Variants in CDH13 observed in about 807,000 individuals in gnomAD.
CDH13 encodes the protein cadherin 13.
CDH13 carries 24 observed loss-of-function variants against 63.8 expected under a neutral mutation model. The ratio of observed to expected loss-of-function variants is 0.38; its 90% confidence interval spans 0.27 to 0.53. CDH13 has a LOEUF of 0.53. CDH13 is among the 20% of genes least tolerant of loss of function. The probability of loss-of-function intolerance (pLI) is 0.85; values close to 1 mark genes in which losing one functional copy is unlikely to be tolerated. For missense variants in CDH13, 1,049 were observed against 903.1 expected (o/e 1.16, Z -2.07); for synonymous variants, 503 against 355.3 (o/e 1.42, Z -4.67).
intron 2 of CDH13, among the ~76,000 whole-genome samples, chr16:82,994,317 T>C (rs180849335): frequency 6.3e-4 from 96 of 152,278 alleles, no homozygotes; most frequent in African/African-American, 2.2e-3. Context: ...AGTACAACCC[T>C]GGCCCTTGCA....
chr16:82,806,111 G>T (rs2037125018), intron 1 of CDH13, among the ~76,000 whole-genome samples: 1 of 152,144 alleles, frequency 6.6e-6, no homozygotes, highest in Admixed American at 6.5e-5. Flanking sequence ...AAGGGTGATT[G>T]AGTTTGCCAG....
At position 82,633,549 on chromosome 16, in the gene CDH13, T is replaced by A. The variant is rs185459152; in HGVS notation, c.45+6412T>A. Among the ~76,000 whole-genome samples, 457 of 152,258 alleles carry A rather than the reference T, an allele frequency of 3.0e-3. 1 individual carries two copies. The highest frequency in any genetic ancestry group is 5.2e-3 in the South Asian group (25 of 4,806). On this transcript the variant is annotated intron_variant, in intron 1 of 13. Transcript: ENST00000567109. ...GCCCGCCACCAGGCCTGGCTAACTT[T>A]TTTATTTTTAGTAGAGACGGGGTTT...
At position 83,415,394 on chromosome 16, in the gene CDH13, T is replaced by C. The variant is rs142892141; in HGVS notation, c.781+70388T>C. Among the ~76,000 whole-genome samples, 1,500 of 151,966 alleles carry C rather than the reference T, an allele frequency of 9.9e-3. 26 individuals carry two copies. The highest frequency in any genetic ancestry group is 0.034 in the African/African-American group (1,421 of 41,420). On this transcript the variant is annotated intron_variant, in intron 6 of 13. Coordinates refer to ENST00000567109, the MANE Select transcript of CDH13 (RefSeq NM_001257.5). ...CTCTTCCGAACAGCTGGAGAGGGAG[T>C]GACACTTCCAAACTCATTTTATAAA...
intron 6 of CDH13, among the ~76,000 whole-genome samples, chr16:83,387,855 A>G (rs923314378): frequency 2.0e-5 from 3 of 152,218 alleles, no homozygotes; most frequent in African/African-American, 7.2e-5. Flanking sequence ...GTGTTTACAC[A>G]GCATGTCCAA....
At chr16:83,775,682 C>A (rs771956054) in intron 11 of CDH13, among the ~76,000 whole-genome samples, 1 of 151,362 alleles carries the variant, frequency 6.6e-6, no homozygotes, top group Non-Finnish European at 1.5e-5. Flanking sequence ...CCACACTGCA[C>A]TGCAGCCTGG....
At chr16:83,301,016 C>A (rs2089720883) in intron 5 of CDH13, among the ~76,000 whole-genome samples, 1 of 125,438 alleles carries the variant, frequency 8.0e-6, no homozygotes. Context: ...ATACATATAA[C>A]TTTCTGGGGT....
At chr16:82,715,057 C>T (rs1272921003) in intron 1 of CDH13, among the ~76,000 whole-genome samples, 1 of 147,552 alleles carries the variant, frequency 6.8e-6, no homozygotes, top group Non-Finnish European at 1.5e-5. Flanking sequence ...CCAAAGTCAC[C>T]AAGAGGCCTG....
chr16:82,755,841 A>G (rs2034593904), intron 1 of CDH13, among the ~76,000 whole-genome samples: 1 of 152,228 alleles, frequency 6.6e-6, no homozygotes, highest in Admixed American at 6.5e-5. Context: ...GCCTTGTTAA[A>G]TATTCATCAT....
intron 1 of CDH13, among the ~76,000 whole-genome samples, chr16:82,662,782 T>C (rs1403889367): frequency 6.6e-6 from 1 of 152,198 alleles, no homozygotes; most frequent in African/African-American, 2.4e-5. Flanking sequence ...CACCAGTATG[T>C]GTCCCTCTGG....
At chr16:83,418,754 T>C (rs1236917151) in intron 6 of CDH13, among the ~76,000 whole-genome samples, 6 of 152,242 alleles carry the variant, frequency 3.9e-5, no homozygotes, top group Non-Finnish European at 7.4e-5. Flanking sequence ...CAAGGCTCTT[T>C]TAAGTGTGAC....
chr16:83,281,483 C>T (rs2089174020), intron 5 of CDH13, among the ~76,000 whole-genome samples: 1 of 152,200 alleles, frequency 6.6e-6, no homozygotes, highest in African/African-American at 2.4e-5. Flanking sequence ...ACTTCCTTGC[C>T]ATTCATGTGT....
At chr16:82,848,276 G>T (rs1427483475) in intron 1 of CDH13, among the ~76,000 whole-genome samples, 1 of 152,166 alleles carries the variant, frequency 6.6e-6, no homozygotes, top group Non-Finnish European at 1.5e-5. Context: ...AGCCAGGCTT[G>T]CAGAGAATTA....
intron 8 of CDH13, among the ~76,000 whole-genome samples, chr16:83,623,348 G>C (rs947486359): frequency 6.6e-6 from 1 of 152,102 alleles, no homozygotes; most frequent in Non-Finnish European, 1.5e-5. Flanking sequence ...CCCTTTCAGC[G>C]CCTTGTTTCT....
At chr16:83,075,834 G>T (rs909879705) in intron 3 of CDH13, among the ~76,000 whole-genome samples, 1 of 152,180 alleles carries the variant, frequency 6.6e-6, no homozygotes, top group Non-Finnish European at 1.5e-5. Context: ...GAGAGTTTGT[G>T]TTAGAAGTCA....
intron 2 of CDH13, among the ~76,000 whole-genome samples, chr16:83,014,057 C>T (rs1914428128): frequency 6.6e-6 from 1 of 151,990 alleles, no homozygotes; most frequent in Admixed American, 6.6e-5. Flanking sequence ...TCAAGAAGTT[C>T]ACAGTCTGAT....
chr16:83,164,982 G>A (rs958721406), intron 4 of CDH13, among the ~76,000 whole-genome samples: 2 of 151,582 alleles, frequency 1.3e-5, no homozygotes, highest in African/African-American at 4.9e-5. Context: ...AATCCAGGCA[G>A]CCTGGCTCCA....
chr16:82,818,114 TTG>T (rs5818411), intron 1 of CDH13, among the ~76,000 whole-genome samples: 130 of 148,934 alleles, frequency 8.7e-4, no homozygotes, highest in Admixed American at 2.1e-3. Context: ...ACATGTATGG[TTG>T]TGTGTGTGTG....
intron 2 of CDH13, among the ~76,000 whole-genome samples, chr16:82,999,434 A>G (rs7499882): frequency 0.16 from 24,528 of 152,032 alleles, 2,366 homozygotes; most frequent in African/African-American, 0.26. Context: ...AAATATCATA[A>G]CCACATAACA....
At chr16:82,771,257 A>G (rs983918686) in intron 1 of CDH13, among the ~76,000 whole-genome samples, 8 of 152,218 alleles carry the variant, frequency 5.3e-5, no homozygotes, top group African/African-American at 1.9e-4. Flanking sequence ...GATAAATAAT[A>G]CTTTGACTTA....
Sources: allele counts gnomAD v4.1 joint callset (sites outside exome capture counted in the v4.1 genomes callset), GRCh38; gene constraint gnomAD v4.1.1; transcripts MANE v1.5; gene names NCBI Gene and HGNC (gene_info 2026-07-23, HGNC 2026-07-21).